TGFB2: variants seen among roughly 807,000 people sequenced by gnomAD.
TGFB2 encodes transforming growth factor beta 2, also known as transforming growth factor beta-2 proprotein.
In TGFB2, 13 loss-of-function variants were observed where a neutral mutation model predicts 42.7. That is an observed-to-expected ratio of 0.30 (90% CI 0.20 to 0.48). The LOEUF (loss-of-function observed/expected upper bound fraction) is 0.48, where lower values mean the gene tolerates loss of function less well. TGFB2 is among the 20% of genes least tolerant of loss of function. TGFB2 has a pLI of 0.99. For missense variants in TGFB2, 390 were observed against 517.5 expected, an observed-to-expected ratio of 0.75 and a Z score of 2.39; for synonymous variants, 193 against 193.6, an observed-to-expected ratio of 1.00 and a Z score of 0.03.
At chr1:218,391,401 G>C (rs1658312573) in intron 1 of TGFB2, among the ~76,000 whole-genome samples, 1 of 152,204 alleles carries the variant, frequency 6.6e-6, no homozygotes, top group Non-Finnish European at 1.5e-5. Context: ...GCCTAGTACA[G>C]AAGAAGCACC....
At chr1:218,365,304 G>A (rs1657351229) in intron 1 of TGFB2, among the ~76,000 whole-genome samples, 1 of 151,904 alleles carries the variant, frequency 6.6e-6, no homozygotes, top group African/African-American at 2.4e-5. Context: ...CTACTACTTG[G>A]GATTAATTTC....
intron 1 of TGFB2, among the ~76,000 whole-genome samples, chr1:218,370,343 T>C (rs1340009570): frequency 1.3e-5 from 2 of 152,210 alleles, no homozygotes; most frequent in Non-Finnish European, 2.9e-5. Flanking sequence ...ATGTAATTTC[T>C]TTCTCTGTGA....
intron 1 of TGFB2, among the ~76,000 whole-genome samples, chr1:218,360,102 G>A (rs1306804856): frequency 2.0e-5 from 3 of 152,160 alleles, no homozygotes; most frequent in Non-Finnish European, 2.9e-5. Context: ...CTTTATAAAT[G>A]TAGATTCCCA....
In TGFB2 at chr1:218,363,498, C is replaced by T. The variant is rs1296077072; in HGVS notation, c.346+16451C>T. On this transcript the variant is annotated intron_variant, in intron 1 of 6. Transcript: ENST00000366930. ...TTTAGTGTTTGTCTCCTGTGGGGAACTTGCCAGAGGCAAGATGAGATTCTG... is the reference window on the plus strand; with the variant it reads ...TTTAGTGTTTGTCTCCTGTGGGGAATTTGCCAGAGGCAAGATGAGATTCTG... The T allele has an allele frequency of 4.3e-6, 6 of 1,391,094 alleles. No individual in the cohort carries two copies. The Admixed American group carries it at 1.0e-4, about 24-fold the overall frequency. The allele number at this position is 1,391,094 out of a possible 1,614,324, so 86.2% of individuals were successfully genotyped here.
intron 1 of TGFB2, among the ~76,000 whole-genome samples, chr1:218,354,559 T>G (rs1656972431): frequency 6.6e-6 from 1 of 152,226 alleles, no homozygotes; most frequent in Non-Finnish European, 1.5e-5. Flanking sequence ...ATGAGGTTAA[T>G]ACTCATACTG....
chr1:218,360,444 G>A (rs576277423), intron 1 of TGFB2, among the ~76,000 whole-genome samples: 35 of 152,248 alleles, frequency 2.3e-4, no homozygotes, highest in Non-Finnish European at 4.0e-4. Context: ...GAGTGCCTGC[G>A]TTCTTCTAAA....
chr1:218,349,904 T>C (rs1389301637), intron 1 of TGFB2, among the ~76,000 whole-genome samples: 1 of 152,234 alleles, frequency 6.6e-6, no homozygotes. Context: ...AATAATACTG[T>C]GTCAACATTT....
rs185055393 is a variant in TGFB2, at chr1:218,359,116, C to G, written c.346+12069C>G. ...AAGGAGTGCACCAAACCTCTGACTC[C>G]TACCTGGAAGTAGCCAAGCAGAAGC... On this transcript the variant is annotated intron_variant, in intron 1 of 6. Transcript: ENST00000366930. Among the ~76,000 whole-genome samples the G allele has an allele frequency of 8.3e-4, 126 of 152,200 alleles. 3 individuals carry two copies. The highest frequency in any genetic ancestry group is 7.5e-3 in the Admixed American group (115 of 15,284).
intron 2 of TGFB2, 121 bp from the exon 3 acceptor site, chr1:218,433,961 A>G (rs1043396703): frequency 7.7e-7 from 1 of 1,294,038 alleles, no homozygotes; most frequent in Non-Finnish European, 1.1e-6. Flanking sequence ...ATGACAATGC[A>G]TGGCTATACT....
At chr1:218,413,756 C>T (rs1239901645) in intron 2 of TGFB2, among the ~76,000 whole-genome samples, 1 of 152,210 alleles carries the variant, frequency 6.6e-6, no homozygotes, top group Non-Finnish European at 1.5e-5. Context: ...CTCTTTCCTT[C>T]GGATTTTAAT....
intron 1 of TGFB2, among the ~76,000 whole-genome samples, chr1:218,400,966 C>T (rs1010956860): frequency 1.8e-4 from 28 of 152,086 alleles, no homozygotes; most frequent in African/African-American, 5.3e-4. Context: ...GGTCCCCAGC[C>T]CTCTGTGCAT....
Position 218,397,860 on chromosome 1 carries a change from C to T in TGFB2, c.347-7309C>T, listed in dbSNP as rs574419385. Among the ~76,000 whole-genome samples, 4 of 152,304 alleles carry T rather than the reference C, an allele frequency of 2.6e-5. No homozygotes were observed. The East Asian group carries it at 5.8e-4, about 22-fold the overall frequency. On this transcript the variant is annotated intron_variant, in intron 1 of 6. Coordinates refer to ENST00000366930, the MANE Select transcript of TGFB2 (RefSeq NM_003238.6). The stretch of plus-strand genomic sequence containing the variant: ...ATGTTGAGGTAATCGGTGAGTACCT[C>T]AGGCAGGAGGATAAACAAAACCTCC...
chr1:218,436,084 G>A lies in TGFB2; in HGVS notation c.869G>A (p.Arg290Lys). 6.2e-7 allele frequency: 1 copy of A among 1,614,154 alleles called. No homozygotes were observed. The highest frequency in any genetic ancestry group is 1.7e-5 in the Admixed American group (1 of 60,022). ...CTGCTAATGTTATTGCCCTCCTACA[G>A]ACTTGAGTCACAACAGACCAACCGG... ...HLLLMLLPSY[R>K]LESQQTNRRK... Residue 290 changes from arginine (R) to lysine (K), a missense_variant, in exon 5 of 7, where the codon AGA (arginine) becomes AAA (lysine). Coordinates refer to ENST00000366930, the MANE Select transcript of TGFB2 (RefSeq NM_003238.6).
chr1:218,374,342 T>C (rs569235677), intron 1 of TGFB2, among the ~76,000 whole-genome samples: 1 of 152,334 alleles, frequency 6.6e-6, no homozygotes, highest in Admixed American at 6.5e-5. Flanking sequence ...AGGCATCCAA[T>C]AAATATTTAT....
At chr1:218,411,490 G>A (rs1203850587) in intron 2 of TGFB2, among the ~76,000 whole-genome samples, 1 of 152,152 alleles carries the variant, frequency 6.6e-6, no homozygotes, top group East Asian at 1.9e-4. Context: ...ATGTCTCCAT[G>A]TGGTGTTCCC....
intron 1 of TGFB2, among the ~76,000 whole-genome samples, chr1:218,397,563 C>CAAAAAAA (rs759635592): frequency 1.1e-5 from 1 of 91,382 alleles, no homozygotes; most frequent in Non-Finnish European, 2.5e-5. Context: ...GACTCCGTCT[C>CAAAAAAA]AAAAAAAAAA....
rs1172747921 is a variant in TGFB2, at chr1:218,434,002, G to T, written c.511-80G>T. ...AGAGCTAAATTTAGGTAATGAATTA[G>T]AACACTGTTAATAGTTTTGGTTTAG... is the stretch of plus-strand genomic sequence containing the variant. On this transcript the variant is annotated intron_variant, in intron 2 of 6. Transcript: ENST00000366930. The T allele has an allele frequency of 2.6e-6, 4 of 1,564,252 alleles. No individual in the cohort carries two copies. In the East Asian group the frequency reaches 6.8e-5, roughly 26 times the overall value.
chr1:218,437,205 G>C, intron 5 of TGFB2, 138 bp from the exon 6 acceptor site: 2 of 854,546 alleles, frequency 2.3e-6, no homozygotes, highest in South Asian at 1.9e-5. Flanking sequence ...TTAAAACCTG[G>C]CCCATGATAT....
At chr1:218,370,876 G>A (rs563547701) in intron 1 of TGFB2, among the ~76,000 whole-genome samples, 6 of 152,342 alleles carry the variant, frequency 3.9e-5, no homozygotes, top group African/African-American at 1.2e-4. Context: ...AGTAGGAATT[G>A]GGTACAAGGG....
Sources: gnomAD v4.1 joint callset for allele counts (sites outside exome capture counted in the v4.1 genomes callset) on GRCh38, gnomAD v4.1.1 for gene constraint, MANE v1.5 for transcripts, NCBI Gene and HGNC (gene_info 2026-07-23, HGNC 2026-07-21) for gene names.